BCL7A: variants seen among roughly 807,000 people sequenced by gnomAD.
The protein encoded by BCL7A is B-cell CLL/lymphoma 7 protein family member A.
BCL7A carries 11 observed loss-of-function variants against 28.4 expected under a neutral mutation model. The observed-to-expected ratio is 0.39, with a 90% confidence interval of 0.24 to 0.64. The LOEUF (loss-of-function observed/expected upper bound fraction) is 0.64. BCL7A is among the 30% of genes least tolerant of loss of function. The probability of loss-of-function intolerance (pLI) is 0.50; values close to 1 mark genes in which losing one functional copy is unlikely to be tolerated. For synonymous variants in BCL7A, 123 were observed against 103.3 expected (o/e 1.19, Z -1.15); for missense variants, 222 against 274.8 (o/e 0.81, Z 1.36).
At chr12:122,055,305 T>C (rs1396536487) in intron 5 of BCL7A, among the ~76,000 whole-genome samples, 1 of 152,174 alleles carries the variant, frequency 6.6e-6, no homozygotes, top group Admixed American at 6.6e-5. Context: ...ACCTAAGTGG[T>C]GGGGCCTCCG....
rs753093925 is a variant in BCL7A at position 122,042,103 on chromosome 12, A to AGGGGGTGCAGGACAAGG, written c.272-1780_272-1764dup. On this transcript the variant is annotated intron_variant, in intron 3 of 5. Coordinates refer to ENST00000261822, the MANE Select transcript of BCL7A (RefSeq NM_001024808.3). ...AAATAGAGTGACTCTGTGCCTGAGA[A>AGGGGGTGCAGGACAAGG]GGGGGTGCAGGACAAGGGGAGGTGC... Among the ~76,000 whole-genome samples the AGGGGGTGCAGGACAAGG allele has an allele frequency of 4.1e-3, 618 of 152,116 alleles. 2 individuals are homozygous for AGGGGGTGCAGGACAAGG. Among genetic ancestry groups the AGGGGGTGCAGGACAAGG allele is most frequent in the Non-Finnish European group, 6.9e-3 (470 of 67,964 alleles).
At chr12:122,023,275 C>G (rs920909775) in intron 1 of BCL7A, among the ~76,000 whole-genome samples, 1 of 152,170 alleles carries the variant, frequency 6.6e-6, no homozygotes, top group African/African-American at 2.4e-5. Context: ...ACTGGGGTCC[C>G]GGAGGGAGAG....
chr12:122,036,712 C>CTTT (rs57516020), intron 3 of BCL7A, among the ~76,000 whole-genome samples: 27 of 145,988 alleles, frequency 1.8e-4, no homozygotes, highest in African/African-American at 5.8e-4. Context: ...CCTAAAGCTC[C>CTTT]TTTTTTTTTT....
At chr12:122,027,428 A>T (rs1218802011) in intron 1 of BCL7A, among the ~76,000 whole-genome samples, 1 of 152,148 alleles carries the variant, frequency 6.6e-6, no homozygotes, top group Non-Finnish European at 1.5e-5. Flanking sequence ...TAATCCCAGC[A>T]TTTTGGGAGG....
At chr12:122,045,602 T>C (rs893531193) in intron 4 of BCL7A, among the ~76,000 whole-genome samples, 1 of 152,080 alleles carries the variant, frequency 6.6e-6, no homozygotes, top group African/African-American at 2.4e-5. Context: ...TATTTGTGTG[T>C]GTTTATTTTG....
chr12:122,022,681 G>A (rs1883493575), intron 1 of BCL7A, among the ~76,000 whole-genome samples: 1 of 146,702 alleles, frequency 6.8e-6, no homozygotes, highest in Admixed American at 6.8e-5. Flanking sequence ...GCGCCCCGCC[G>A]CCCTCCGCCA....
At chr12:122,056,214 C>T (rs1490097036) in intron 5 of BCL7A, among the ~76,000 whole-genome samples, 4 of 152,264 alleles carry the variant, frequency 2.6e-5, no homozygotes, top group Middle Eastern at 6.8e-3. Flanking sequence ...CCAAAGTTGT[C>T]GGCTGGGATC....
At chr12:122,044,836 T>C (rs985107980) in intron 4 of BCL7A, among the ~76,000 whole-genome samples, 1 of 151,902 alleles carries the variant, frequency 6.6e-6, no homozygotes, top group Non-Finnish European at 1.5e-5. Context: ...AAAATATAAT[T>C]ATATTAATAA....
At chr12:122,034,369 G>A (rs1373316077) in intron 2 of BCL7A, among the ~76,000 whole-genome samples, 1 of 143,842 alleles carries the variant, frequency 7.0e-6, no homozygotes, top group Non-Finnish European at 1.5e-5. Flanking sequence ...TACCACGATT[G>A]ATTTAACGAG....
intron 4 of BCL7A, among the ~76,000 whole-genome samples, chr12:122,047,301 A>T (rs948237324): frequency 1.3e-5 from 2 of 151,000 alleles, no homozygotes; most frequent in Non-Finnish European, 3.0e-5. Flanking sequence ...AGGCGGGCGG[A>T]TCACAAGGTC....
At chr12:122,028,664 C>G (rs1418512389) in intron 1 of BCL7A, among the ~76,000 whole-genome samples, 1 of 152,184 alleles carries the variant, frequency 6.6e-6, no homozygotes, top group African/African-American at 2.4e-5. Context: ...CACTTCCTGT[C>G]TGTGAGACCC....
intron 4 of BCL7A, among the ~76,000 whole-genome samples, chr12:122,047,114 GGCT>G (rs1373317399): frequency 1.3e-5 from 2 of 151,714 alleles, no homozygotes; most frequent in East Asian, 3.9e-4. Flanking sequence ...ATGTTGGCCA[GGCT>G]GTTCTCAATC....
chr12:122,025,370 A>C (rs550891788), intron 1 of BCL7A, among the ~76,000 whole-genome samples: 1 of 152,224 alleles, frequency 6.6e-6, no homozygotes, highest in East Asian at 1.9e-4. Flanking sequence ...TCACGCCTGT[A>C]ATTTCAGCAC....
intron 1 of BCL7A, among the ~76,000 whole-genome samples, chr12:122,023,246 AT>A (rs1019369610): frequency 6.6e-6 from 1 of 151,964 alleles, no homozygotes; most frequent in African/African-American, 2.4e-5. Flanking sequence ...CAACTTTATT[AT>A]TTTTTTCCCA....
chr12:122,031,357 C>T (rs1249854520), intron 2 of BCL7A, among the ~76,000 whole-genome samples: 9 of 152,034 alleles, frequency 5.9e-5, no homozygotes, highest in Admixed American at 3.3e-4. Flanking sequence ...GCCGAGCGCC[C>T]CCCCCAGGGC....
chr12:122,040,868 G>GCTAC (rs1200474394), intron 3 of BCL7A, among the ~76,000 whole-genome samples: 1 of 152,160 alleles, frequency 6.6e-6, no homozygotes, highest in African/African-American at 2.4e-5. Flanking sequence ...CTGTTACCAG[G>GCTAC]CTACCAGGCT....
intron 3 of BCL7A, among the ~76,000 whole-genome samples, chr12:122,043,493 C>T (rs1000378812): frequency 3.3e-5 from 5 of 151,966 alleles, no homozygotes; most frequent in Non-Finnish European, 5.9e-5. Flanking sequence ...ACCACACGGC[C>T]GGGTGCAGTG....
intron 3 of BCL7A, among the ~76,000 whole-genome samples, chr12:122,039,252 A>G (rs936315765): frequency 1.3e-5 from 2 of 151,296 alleles, no homozygotes; most frequent in Non-Finnish European, 2.9e-5. Flanking sequence ...AGCCAAGATC[A>G]CGCCACTGCA....
At chr12:122,054,108 G>A (rs922062529) in intron 4 of BCL7A, among the ~76,000 whole-genome samples, 16 of 152,036 alleles carry the variant, frequency 1.1e-4, no homozygotes, top group Non-Finnish European at 1.8e-4. Context: ...ATTTTGAGAC[G>A]GAGTTTCGCT....
Sources: allele counts gnomAD v4.1 joint callset (sites outside exome capture counted in the v4.1 genomes callset), GRCh38; gene constraint gnomAD v4.1.1; transcripts MANE v1.5; gene names NCBI Gene and HGNC (gene_info 2026-07-23, HGNC 2026-07-21).